The following TENM1 variants were observed in gnomAD, a reference collection of about 807,000 sequenced individuals.
TENM1 encodes teneurin-1.
A neutral mutation model predicts 174.8 loss-of-function variants in TENM1; 35 were observed. The ratio of observed to expected loss-of-function variants is 0.20; its 90% CI spans 0.15 to 0.27. TENM1 has a LOEUF of 0.27. TENM1 is among the 10% of genes least tolerant of loss of function. The pLI, the probability that TENM1 is intolerant of heterozygous loss-of-function variation, is 1.00. For missense variants in TENM1, 1,633 were observed against 2,130.1 expected (o/e 0.77, Z 4.59); for synonymous variants, 781 against 798.7 (o/e 0.98, Z 0.37).
the TENM1 span, among the ~76,000 whole-genome samples, chrX:125,179,351 G>A: frequency 7.2e-5 from 8 of 110,634 alleles, no homozygotes; most frequent in Non-Finnish European, 1.3e-4. Context: ...TTAAAGGCCA[G>A]GTGCTAATCC....
chrX:125,177,109 C>T, the TENM1 span, among the ~76,000 whole-genome samples: 1 of 112,019 alleles, frequency 8.9e-6, no homozygotes, highest in Non-Finnish European at 1.9e-5. Context: ...TGAAGGTTTA[C>T]ATCATACACC....
chrX:124,679,914 C>T (rs956936010), intron 5 of TENM1, among the ~76,000 whole-genome samples: 2 of 111,324 alleles, frequency 1.8e-5, no homozygotes, highest in Non-Finnish European at 3.8e-5. Context: ...ATAAAACATA[C>T]TTAAATGTTT....
intron 3 of TENM1, among the ~76,000 whole-genome samples, chrX:124,886,644 T>TAC (rs1306454711): frequency 2.0e-5 from 2 of 99,925 alleles, no homozygotes; most frequent in South Asian, 4.7e-4. Context: ...TCTTATCATA[T>TAC]ACACACACAC....
In TENM1 at chrX:124,785,332, A is replaced by T. The variant is rs187437181; in HGVS notation, c.536-48135T>A. Among the ~76,000 whole-genome samples, 798 of 111,774 alleles carry T rather than the reference A, an allele frequency of 7.1e-3. 3 individuals carry two copies. The highest frequency in any genetic ancestry group is 0.023 in the Middle Eastern group (5 of 216). ...AAAAGGAGAATCATAGAAAGAATTT[A>T]TCATTGTTATCCTTACCCATGCTGT... On this transcript the variant is annotated intron_variant, in intron 3 of 31. Coordinates refer to ENST00000422452, the Ensembl canonical transcript of TENM1.
chrX:124,919,896 A>G (rs1427871518), intron 1 of TENM1, among the ~76,000 whole-genome samples: 1 of 111,126 alleles, frequency 9.0e-6, no homozygotes, highest in African/African-American at 3.3e-5. Context: ...GGCTCTATAA[A>G]TGTAGCAATT....
chrX:124,944,454 TATC>T (rs201023380), intron 1 of TENM1, among the ~76,000 whole-genome samples: 6,708 of 110,991 alleles, frequency 0.06, 483 homozygotes, highest in African/African-American at 0.2. Context: ...AATAGGGCAA[TATC>T]ATCTAAAATA....
chrX:125,102,082 G>A, the TENM1 span, among the ~76,000 whole-genome samples: 1 of 111,688 alleles, frequency 9.0e-6, no homozygotes, highest in Non-Finnish European at 1.9e-5. Context: ...TGAACCCAGA[G>A]AGAGATCATT....
intron 3 of TENM1, among the ~76,000 whole-genome samples, chrX:124,790,282 C>T (rs2147200904): frequency 8.9e-6 from 1 of 112,217 alleles, no homozygotes; most frequent in East Asian, 2.8e-4. Flanking sequence ...TAAGCACTAA[C>T]AAATAAACTA....
intron 23 of TENM1, among the ~76,000 whole-genome samples, chrX:124,446,400 G>T (rs2060965836): frequency 8.9e-6 from 1 of 112,587 alleles, no homozygotes; most frequent in African/African-American, 3.2e-5. Flanking sequence ...GTGTAAATTA[G>T]ATTCTTAGCA....
At chrX:125,061,818 C>A in the TENM1 span, among the ~76,000 whole-genome samples, 10 of 111,280 alleles carry the variant, frequency 9.0e-5, no homozygotes, top group African/African-American at 2.9e-4. Context: ...GCAGGAGGAT[C>A]GCTTGAACCC....
chrX:124,472,062 T>C (rs1041513673), intron 22 of TENM1, among the ~76,000 whole-genome samples: 1 of 107,914 alleles, frequency 9.3e-6, no homozygotes, highest in Admixed American at 1.0e-4. Flanking sequence ...TCGCTGGAAA[T>C]TCCAAATAAT....
intron 16 of TENM1, 43 bp from the exon 20 acceptor site, chrX:124,523,668 T>C (rs1487422704): frequency 1.7e-6 from 2 of 1,167,859 alleles, no homozygotes. Context: ...AAATGAAAAA[T>C]TAAAAAATTA....
upstream of TENM1, among the ~76,000 whole-genome samples, chrX:124,967,229 C>T (rs1312738848): frequency 9.0e-6 from 1 of 110,795 alleles, no homozygotes; most frequent in African/African-American, 3.3e-5. Context: ...TCAGGAGATG[C>T]TATGGAAACC....
the TENM1 span, among the ~76,000 whole-genome samples, chrX:125,185,451 A>G: frequency 5.3e-5 from 6 of 112,280 alleles, no homozygotes; most frequent in Non-Finnish European, 1.1e-4. Flanking sequence ...AAAGACTAAA[A>G]ATTATGAGGT....
the TENM1 span, among the ~76,000 whole-genome samples, chrX:125,197,977 A>T: frequency 2.7e-5 from 3 of 112,065 alleles, no homozygotes; most frequent in Admixed American, 1.9e-4. Context: ...CGGTATTGCA[A>T]AAGACTTGAC....
the TENM1 span, among the ~76,000 whole-genome samples, chrX:125,073,633 T>C: frequency 9.9e-5 from 11 of 111,044 alleles, no homozygotes; most frequent in Admixed American, 1.1e-3. Context: ...TTCTGTGGCA[T>C]TGTAGGTATG....
At chrX:124,428,596 C>T (rs1465301315) in intron 23 of TENM1, among the ~76,000 whole-genome samples, 1 of 111,793 alleles carries the variant, frequency 8.9e-6, no homozygotes, top group Non-Finnish European at 1.9e-5. Flanking sequence ...TCATCTGTAA[C>T]AAAACAAGGA....
chrX:125,053,426 G>A, the TENM1 span, among the ~76,000 whole-genome samples: 2 of 112,314 alleles, frequency 1.8e-5, no homozygotes, highest in Non-Finnish European at 3.8e-5. Context: ...TATGCCTGAA[G>A]CAATTTTCTC....
chrX:124,563,786 GA>G lies in TENM1; in HGVS notation c.2264-15del. On this transcript the variant is annotated splice_polypyrimidine_tract_variant and intron_variant, in intron 12 of 31. Transcript: ENST00000422452. ...CTAAGTAGTGAGCTAAAAGGGAGGG[GA>G]AAAGAGTGATCAAATGAATTTCTGA... 1 of 1,186,085 alleles carries G rather than the reference GA, an allele frequency of 8.4e-7. No homozygotes were observed.
Sources: gnomAD v4.1 joint callset for allele counts (sites outside exome capture counted in the v4.1 genomes callset) on GRCh38, gnomAD v4.1.1 for gene constraint, MANE v1.5 for transcripts, NCBI Gene and HGNC (gene_info 2026-07-23, HGNC 2026-07-21) for gene names.